ERI1: variants seen among roughly 807,000 people sequenced by gnomAD.
ERI1 encodes the protein exoribonuclease 1.
A neutral mutation model predicts 39.7 loss-of-function variants in ERI1; 39 were observed. That is an observed-to-expected ratio of 0.98 (90% confidence interval 0.76 to 1.28). The LOEUF (loss-of-function observed/expected upper bound fraction) is 1.28. Among genes scored for constraint, ERI1 ranks in the 50% most tolerant of loss-of-function variants. ERI1 has a pLI of 0.00. For synonymous variants in ERI1, 204 were observed against 149.6 expected, an observed-to-expected ratio of 1.36 and a Z score of -2.65; for missense variants, 581 against 416.9, an observed-to-expected ratio of 1.39 and a Z score of -3.43.
chr8:9,039,834 A>G (rs1797960808), intron 3 of ERI1, among the ~76,000 whole-genome samples: 1 of 152,200 alleles, frequency 6.6e-6, no homozygotes, highest in Non-Finnish European at 1.5e-5. Context: ...CATAAGATGA[A>G]GTAGATTCAT....
chr8:9,078,411 T>C (rs1264316068), intron 3 of ERI1, among the ~76,000 whole-genome samples: 1 of 152,152 alleles, frequency 6.6e-6, no homozygotes, highest in Non-Finnish European at 1.5e-5. Flanking sequence ...ATTTCACAGA[T>C]AACTCAGGTT....
chr8:9,018,342 G>A lies in ERI1; in HGVS notation c.628G>A (p.Val210Ile), dbSNP rs1355794825. The A allele has an allele frequency of 6.2e-7, 1 of 1,612,596 alleles. No homozygotes were observed. Among genetic ancestry groups the A allele is most frequent in the Non-Finnish European group, 8.5e-7 (1 of 1,178,926 alleles). Residue 210 changes from valine (V) to isoleucine (I), a missense_variant, in exon 5 of 7, where the codon GTA (valine) becomes ATA (isoleucine). Physicochemically the swap from Val to Ile is conservative, Grantham distance 29. Coordinates refer to ENST00000250263, the MANE Select transcript of ERI1 (RefSeq NM_153332.4). The stretch of plus-strand genomic sequence containing the variant: ...TACCTTCCCTCAGGTACTAAAAAAA[G>A]TAATTGACTGGATGAAATTGAAGGA... Reference protein sequence around the residue: ...ADTFPQVLKKVIDWMKLKELG... With the variant: ...ADTFPQVLKKIIDWMKLKELG...
chr8:9,040,308 C>A (rs1027285851), intron 3 of ERI1, among the ~76,000 whole-genome samples: 2 of 152,148 alleles, frequency 1.3e-5, no homozygotes, highest in Non-Finnish European at 2.9e-5. Context: ...TTTCTAAATC[C>A]CCTTTTACGG....
downstream of ERI1, among the ~76,000 whole-genome samples, chr8:9,035,749 A>G (rs1191002303): frequency 6.6e-6 from 1 of 152,260 alleles, no homozygotes; most frequent in Admixed American, 6.5e-5. Context: ...AATACATTTC[A>G]TAAGGCTGTA....
chr8:9,016,703 T>C lies in ERI1; in HGVS notation c.582+298T>C, dbSNP rs557675705. Among the ~76,000 whole-genome samples the C allele has an allele frequency of 3.9e-5, 6 of 152,346 alleles. No homozygotes were observed. In the East Asian group the frequency reaches 9.6e-4, roughly 24 times the overall value. Reference sequence around the variant, plus strand: ...TGGAGATGTTTGATTTATTTATTTTTTTGAGACAGTCTCACTCTGTCACCC... The same window carrying C: ...TGGAGATGTTTGATTTATTTATTTTCTTGAGACAGTCTCACTCTGTCACCC... On this transcript the variant is annotated intron_variant, in intron 4 of 6. Coordinates refer to ENST00000250263, the MANE Select transcript of ERI1 (RefSeq NM_153332.4).
intron 3 of ERI1, among the ~76,000 whole-genome samples, chr8:9,065,170 C>T (rs775518830): frequency 1.3e-4 from 20 of 152,268 alleles, no homozygotes; most frequent in South Asian, 2.1e-4. Flanking sequence ...GATATGATGG[C>T]TTAGCTTGGG....
intron 3 of ERI1, among the ~76,000 whole-genome samples, chr8:9,049,589 C>A (rs544159478): frequency 6.6e-4 from 100 of 151,666 alleles, no homozygotes; most frequent in African/African-American, 2.2e-3. Flanking sequence ...AATTGTGTGC[C>A]TAACAGTGAG....
At chr8:9,023,074 G>C (rs1037210719) in intron 6 of ERI1, among the ~76,000 whole-genome samples, 7 of 152,128 alleles carry the variant, frequency 4.6e-5, no homozygotes, top group African/African-American at 1.4e-4. Flanking sequence ...GTCAGATCAG[G>C]ATAAGGTTCA....
intron 3 of ERI1, among the ~76,000 whole-genome samples, chr8:9,043,427 G>A (rs1563352441): frequency 6.6e-6 from 1 of 152,184 alleles, no homozygotes; most frequent in Non-Finnish European, 1.5e-5. Context: ...CAAGCATGTA[G>A]AGGCCAGGCC....
At chr8:9,060,936 G>A (rs113639465) in intron 3 of ERI1, among the ~76,000 whole-genome samples, 3 of 152,194 alleles carry the variant, frequency 2.0e-5, no homozygotes, top group South Asian at 2.1e-4. Flanking sequence ...GGACGCTTGC[G>A]TAGTGAGGAA....
At chr8:9,035,856 G>A (rs189061351), downstream of ERI1, among the ~76,000 whole-genome samples, 1 of 152,302 alleles carries the variant, frequency 6.6e-6, no homozygotes, top group Admixed American at 6.5e-5. Flanking sequence ...GCCATTACAA[G>A]CATTTGTGAT....
intron 1 of ERI1, among the ~76,000 whole-genome samples, chr8:9,004,762 C>G (rs1239837985): frequency 8.5e-3 from 2 of 236 alleles, no homozygotes; most frequent in African/African-American, 0.037. Context: ...TCTCAGCTTA[C>G]TGCAACCTCC....
In ERI1 at chr8:9,032,912, A is replaced by G. The variant is rs1797691285; in HGVS notation, c.*2878A>G. On this transcript the variant is annotated 3_prime_UTR_variant, in exon 7 of 7. Transcript: ENST00000250263. ...AGGATGTATTGTACTTTGAAGGAAG[A>G]CTTTCCATTTCTAAGCTACCATGGA... is the stretch of plus-strand genomic sequence containing the variant. 6.6e-6 allele frequency: 1 copy of G among 152,202 alleles called. No homozygotes were observed. Among genetic ancestry groups the G allele is most frequent in the African/African-American group, 2.4e-5 (1 of 41,448 alleles). The allele number at this position is 152,202 out of a possible 1,614,324, so 9.4% of individuals were successfully genotyped here.
Position 9,007,085 on chromosome 8 carries a change from A to G in ERI1, c.109-885A>G, listed in dbSNP as rs192244925. Among the ~76,000 whole-genome samples the G allele has an allele frequency of 2.0e-4, 31 of 152,370 alleles. No homozygotes were observed. The East Asian group carries it at 6.0e-3, about 29-fold the overall frequency. The stretch of plus-strand genomic sequence containing the variant: ...TGATATTGCATGTGGAAAATAACTT[A>G]CAAATGAATCTTTGGAACTTAACAT... On this transcript the variant is annotated intron_variant, in intron 1 of 6. Transcript: ENST00000250263.
At chr8:9,003,763 T>C (rs935810974) in intron 1 of ERI1, among the ~76,000 whole-genome samples, 6 of 152,346 alleles carry the variant, frequency 3.9e-5, no homozygotes, top group East Asian at 1.9e-4. Flanking sequence ...TTAAAACTTA[T>C]TTAACGAATG....
chr8:9,006,872 A>G (rs1816075105), intron 1 of ERI1, among the ~76,000 whole-genome samples: 1 of 152,178 alleles, frequency 6.6e-6, no homozygotes, highest in Admixed American at 6.5e-5. Flanking sequence ...TAGAGTAAGA[A>G]ATGGTTCCTG....
intron 3 of ERI1, among the ~76,000 whole-genome samples, chr8:9,087,428 T>G (rs1230793494): frequency 3.4e-3 from 165 of 48,600 alleles, no homozygotes; most frequent in Middle Eastern, 7.9e-3. Flanking sequence ...TTTTTTTTTT[T>G]TTTTTTTGAT....
intron 3 of ERI1, among the ~76,000 whole-genome samples, chr8:9,082,216 C>G (rs949552229): frequency 6.6e-6 from 1 of 152,196 alleles, no homozygotes; most frequent in Non-Finnish European, 1.5e-5. Flanking sequence ...TCACAATGTC[C>G]TAAGACTCTT....
At chr8:9,021,618 C>T (rs1817901814) in intron 6 of ERI1, among the ~76,000 whole-genome samples, 1 of 152,120 alleles carries the variant, frequency 6.6e-6, no homozygotes, top group South Asian at 2.1e-4. Context: ...TTCCTTCCTC[C>T]TGGAGTTAAC....
Sources: allele counts gnomAD v4.1 joint callset (sites outside exome capture counted in the v4.1 genomes callset), GRCh38; gene constraint gnomAD v4.1.1; transcripts MANE v1.5; gene names NCBI Gene and HGNC (gene_info 2026-07-23, HGNC 2026-07-21).